The following HSF5 variants were observed in gnomAD, a reference collection of about 807,000 sequenced individuals.
The protein encoded by HSF5 is heat shock transcription factor 5.
HSF5 carries 5 observed loss-of-function variants against 50.8 expected under a neutral mutation model. That is an observed-to-expected ratio of 0.10 (90% CI 0.05 to 0.21). HSF5 has a LOEUF of 0.21. HSF5 is among the 10% of genes least tolerant of loss of function. The probability of loss-of-function intolerance (pLI) is 1.00; values close to 1 mark genes in which losing one functional copy is unlikely to be tolerated. For missense variants in HSF5, 564 were observed against 762.6 expected (o/e 0.74, Z 3.07); for synonymous variants, 307 against 307.4 (o/e 1.00, Z 0.02).
At chr17:58,422,550 T>C (rs1974241039) in intron 5 of HSF5, 120 bp from the exon 6 acceptor site, 1 of 656,702 alleles carries the variant, frequency 1.5e-6, no homozygotes, top group Admixed American at 3.1e-5. Context: ...TAAAATTGTA[T>C]AGTCCCATCA....
intron 2 of HSF5, among the ~76,000 whole-genome samples, chr17:58,471,286 G>GGA (rs958396674): frequency 2.6e-5 from 4 of 152,106 alleles, no homozygotes; most frequent in Admixed American, 2.0e-4. Flanking sequence ...TCCTGGCAGA[G>GGA]GAGAGAGAGA....
intron 2 of HSF5, among the ~76,000 whole-genome samples, chr17:58,467,916 T>C (rs2143789818): frequency 6.6e-6 from 1 of 152,348 alleles, no homozygotes; most frequent in Non-Finnish European, 1.5e-5. Context: ...ATCACAACTG[T>C]GGTTTAAACA....
intron 5 of HSF5, among the ~76,000 whole-genome samples, chr17:58,423,263 A>G (rs955335648): frequency 6.6e-6 from 1 of 152,168 alleles, no homozygotes; most frequent in Non-Finnish European, 1.5e-5. Context: ...AACTGTCCAT[A>G]AAAAAGAAAG....
At chr17:58,435,741 T>C (rs188329209) in intron 5 of HSF5, among the ~76,000 whole-genome samples, 98 of 150,938 alleles carry the variant, frequency 6.5e-4, no homozygotes, top group African/African-American at 1.9e-3. Flanking sequence ...CTACTAAATA[T>C]ACAAAAAATT....
chr17:58,439,892 G>GA lies in HSF5; in HGVS notation c.1721-17463dup, dbSNP rs536219794. On this transcript the variant is annotated intron_variant, in intron 5 of 5. Coordinates refer to ENST00000323777, the MANE Select transcript of HSF5 (RefSeq NM_001080439.3). ...AGATAAAAGTATAACAAAATTGAAA[G>GA]AAAAAAACAGAGAGAGAAGTTCATC... Among the ~76,000 whole-genome samples, 302 of 149,734 alleles carry GA rather than the reference G, an allele frequency of 2.0e-3. 1 individual carries two copies. The highest frequency in any genetic ancestry group is 3.3e-3 in the Non-Finnish European group (225 of 67,352).
chr17:58,479,566 G>A (rs1417452316), intron 2 of HSF5, among the ~76,000 whole-genome samples: 1 of 152,108 alleles, frequency 6.6e-6, no homozygotes, highest in African/African-American at 2.4e-5. Context: ...GCCTCCCAAA[G>A]TGCTGGGATT....
chr17:58,479,078 C>T (rs932000969), intron 2 of HSF5, among the ~76,000 whole-genome samples: 1 of 151,884 alleles, frequency 6.6e-6, no homozygotes, highest in African/African-American at 2.4e-5. Context: ...TCTTAGCTGC[C>T]TAGGAATAAC....
intron 5 of HSF5, among the ~76,000 whole-genome samples, chr17:58,456,959 T>TA (rs567939126): frequency 6.6e-6 from 1 of 151,250 alleles, no homozygotes; most frequent in South Asian, 2.1e-4. Context: ...CCCATCTCTA[T>TA]AAAAAATGAA....
chr17:58,478,289 A>T (rs1290364908), intron 2 of HSF5, among the ~76,000 whole-genome samples: 1 of 145,964 alleles, frequency 6.9e-6, no homozygotes, highest in African/African-American at 2.5e-5. Context: ...AAATATATAT[A>T]TATATATATA....
intron 5 of HSF5, among the ~76,000 whole-genome samples, chr17:58,449,652 A>G (rs1435072306): frequency 6.6e-6 from 1 of 151,528 alleles, no homozygotes; most frequent in Admixed American, 6.6e-5. Context: ...GTGAGCTGAG[A>G]TCATACCACT....
chr17:58,434,140 T>A (rs902938175), intron 5 of HSF5, among the ~76,000 whole-genome samples: 3 of 151,750 alleles, frequency 2.0e-5, no homozygotes, highest in Admixed American at 6.6e-5. Context: ...CAAGAACTCC[T>A]GACCTCAGGT....
intron 4 of HSF5, among the ~76,000 whole-genome samples, chr17:58,459,373 C>A (rs571977222): frequency 4.0e-5 from 6 of 151,868 alleles, no homozygotes; most frequent in African/African-American, 1.5e-4. Context: ...GTAGGCCGGG[C>A]GCGGTAGCTC....
chr17:58,480,523 G>C (rs546283795), intron 1 of HSF5, among the ~76,000 whole-genome samples: 1 of 152,162 alleles, frequency 6.6e-6, no homozygotes, highest in South Asian at 2.1e-4. Context: ...TAAATCAAAT[G>C]TTAAATCAAA....
rs867540151 is a variant in HSF5 at position 58,450,709 on chromosome 17, C to T, written c.1720+8059G>A. ...CAGAGGTTGCAGTGAGCCAAGATCG[C>T]GCCATTGTACTCTAGCCTGGGCAAC... is the stretch of plus-strand genomic sequence containing the variant. On this transcript the variant is annotated intron_variant, in intron 5 of 5. Transcript: ENST00000323777. Among the ~76,000 whole-genome samples the T allele has an allele frequency of 3.5e-5, 5 of 144,890 alleles. No homozygotes were observed. In the South Asian group the frequency reaches 8.8e-4, roughly 26 times the overall value.
At chr17:58,427,930 G>A (rs1439568299) in intron 5 of HSF5, among the ~76,000 whole-genome samples, 1 of 152,196 alleles carries the variant, frequency 6.6e-6, no homozygotes, top group Admixed American at 6.5e-5. Context: ...TGGTCCCTAT[G>A]GCAATTGATC....
At chr17:58,467,144 A>C (rs999751101) in intron 2 of HSF5, among the ~76,000 whole-genome samples, 165 bp from the exon 3 acceptor site, 1 of 152,244 alleles carries the variant, frequency 6.6e-6, no homozygotes, top group Non-Finnish European at 1.5e-5. Context: ...TATTGAAAAC[A>C]ACACACACAG....
intron 5 of HSF5, among the ~76,000 whole-genome samples, chr17:58,442,475 C>T (rs1325967089): frequency 6.6e-6 from 1 of 152,174 alleles, no homozygotes; most frequent in African/African-American, 2.4e-5. Flanking sequence ...ACTGTACACA[C>T]TTTATAGATA....
At chr17:58,478,737 T>G (rs779681441) in intron 2 of HSF5, among the ~76,000 whole-genome samples, 1 of 146,902 alleles carries the variant, frequency 6.8e-6, no homozygotes, top group Non-Finnish European at 1.5e-5. Flanking sequence ...GTGATGGACA[T>G]CTGTAATCCC....
intron 5 of HSF5, among the ~76,000 whole-genome samples, chr17:58,432,465 C>T (rs571593104): frequency 5.9e-5 from 9 of 152,130 alleles, no homozygotes; most frequent in Non-Finnish European, 1.3e-4. Context: ...AAGGAACACA[C>T]CATGTGAAAA....
Sources: gnomAD v4.1 joint callset for allele counts (sites outside exome capture counted in the v4.1 genomes callset) on GRCh38, gnomAD v4.1.1 for gene constraint, MANE v1.5 for transcripts, NCBI Gene and HGNC (gene_info 2026-07-23, HGNC 2026-07-21) for gene names.